The following KRT23 variants were observed in gnomAD, a reference collection of about 807,000 sequenced individuals.
The protein encoded by KRT23 is keratin 23, also known as keratin, type I cytoskeletal 23.
KRT23 carries 38 observed loss-of-function variants against 47.6 expected under a neutral mutation model. The observed-to-expected ratio is 0.80, with a 90% CI of 0.62 to 1.05. KRT23 has a LOEUF of 1.05. Among genes scored for constraint, KRT23 ranks in the 50% least tolerant of loss-of-function variants. The pLI is 0.00. For missense variants in KRT23, 503 were observed against 529.5 expected, an observed-to-expected ratio of 0.95 and a Z score of 0.49; for synonymous variants, 191 against 199.0, an observed-to-expected ratio of 0.96 and a Z score of 0.34.
At chr17:40,930,676 A>C (rs1026193185) in intron 3 of KRT23, among the ~76,000 whole-genome samples, 3 of 152,000 alleles carry the variant, frequency 2.0e-5, no homozygotes, top group African/African-American at 7.3e-5. Flanking sequence ...AGGCAGGAGA[A>C]TCGCTTGAAC....
chr17:40,925,007 T>C (rs201758142), intron 7 of KRT23, among the ~76,000 whole-genome samples: 3 of 134,390 alleles, frequency 2.2e-5, no homozygotes, highest in Non-Finnish European at 4.8e-5. Flanking sequence ...TTTTTTTTTT[T>C]TCTCTTTTGC....
Position 40,931,373 on chromosome 17 carries a change from T to C in KRT23, c.479A>G (p.Lys160Arg). 6.2e-7 allele frequency: 1 copy of C among 1,606,634 alleles called. No homozygotes were observed. The highest frequency in any genetic ancestry group is 2.2e-5 in the East Asian group (1 of 44,822). The change falls in exon 3 of 9, where the codon AAG (lysine) becomes AGG (arginine). Residue 160 changes from lysine (K) to arginine (R), a missense_variant and splice_region_variant. Physicochemically the swap from Lys to Arg is conservative, Grantham distance 26. Coordinates refer to ENST00000209718, the MANE Select transcript of KRT23 (RefSeq NM_015515.5). ...ARMAVDDFNLKYENEHSFKKD... is the reference protein window; with the variant it reads ...ARMAVDDFNLRYENEHSFKKD... ...ACAACCCTGTGAAGAAGGAACTTAC[T>C]TGAGGTTGAAGTCATCCACTGCCAT...
chr17:40,923,126 C>T (rs773283554), intron 8 of KRT23, 43 bp from the exon 9 acceptor site: 1 of 1,421,856 alleles, frequency 7.0e-7, no homozygotes, highest in African/African-American at 1.4e-5. Context: ...ATGCTTCTTC[C>T]ACCATCTGAA....
In KRT23 at chr17:40,928,462, G is replaced by A; in HGVS notation, c.782C>T (p.Thr261Ile). 6.2e-7 allele frequency: 1 copy of A among 1,614,080 alleles called. No individual in the cohort carries two copies. Among genetic ancestry groups the A allele is most frequent in the South Asian group, 1.1e-5 (1 of 91,076 alleles). Residue 261 changes from threonine (T) to isoleucine (I), a missense_variant, in exon 5 of 9, where the codon ACT becomes ATT. Thr to Ile is a moderately conservative substitution (Grantham distance 89, BLOSUM62 -1). Transcript: ENST00000209718. ...IIKKKHRDLD[T>I]WYKEQSAAMS... Reference sequence around the variant, plus strand: ...TTCTTTTACCTGTTCTTTATACCAAGTGTCCAAGTCTCGATGCTTCTTCTT... The same window carrying A: ...TTCTTTTACCTGTTCTTTATACCAAATGTCCAAGTCTCGATGCTTCTTCTT...
rs1909037612 is a variant in KRT23, at chr17:40,923,229, G to A, written c.1175-146C>T. On this transcript the variant is annotated intron_variant, in intron 8 of 8. Transcript: ENST00000209718. ...AGCAATGAGGTGGGCTCTGCTGCTG[G>A]GAAAAGGGATTTCCCAAAGGAGGGA... The A allele has an allele frequency of 6.5e-6, 4 of 611,576 alleles. No homozygotes were observed. In the South Asian group the frequency reaches 8.2e-5, roughly 13 times the overall value. The allele number at this position is 611,576 out of a possible 1,614,324, so 37.9% of individuals were successfully genotyped here.
intron 2 of KRT23, 60 bp downstream of exon 2, chr17:40,936,148 C>T (rs1278553044): frequency 1.3e-6 from 2 of 1,592,012 alleles, no homozygotes; most frequent in African/African-American, 2.7e-5. Flanking sequence ...CATTTTTCCT[C>T]CCGAGGGTCC....
At chr17:40,931,820 A>C (rs768067552) in intron 2 of KRT23, among the ~76,000 whole-genome samples, 2 of 152,160 alleles carry the variant, frequency 1.3e-5, no homozygotes, top group Non-Finnish European at 2.9e-5. Context: ...ATGTCATAGC[A>C]TTTTGCTTAA....
intron 6 of KRT23, among the ~76,000 whole-genome samples, chr17:40,927,544 T>C (rs1255103322): frequency 6.6e-6 from 1 of 152,184 alleles, no homozygotes; most frequent in Admixed American, 6.5e-5. Flanking sequence ...TTGGCAATTA[T>C]ATGGATGAAT....
chr17:40,929,905 T>C, intron 4 of KRT23, 35 bp downstream of exon 4: 1 of 1,602,496 alleles, frequency 6.2e-7, no homozygotes, highest in Middle Eastern at 1.9e-4. Context: ...GGCTAAGAGC[T>C]GTGCTTATTA....
intron 6 of KRT23, among the ~76,000 whole-genome samples, chr17:40,927,847 A>G (rs1048359741): frequency 6.6e-6 from 1 of 152,156 alleles, no homozygotes; most frequent in African/African-American, 2.4e-5. Context: ...GATAGAAATT[A>G]TGGGGGTCTA....
At chr17:40,925,679 T>G (rs1909186661) in intron 6 of KRT23, 105 bp from the exon 7 acceptor site, 1 of 828,746 alleles carries the variant, frequency 1.2e-6, no homozygotes, top group African/African-American at 1.7e-5. Context: ...GCTAGGTGTC[T>G]TGGTAGCTGC....
chr17:40,928,570 A>ACTTGG lies in KRT23; in HGVS notation c.673_674insCCAAG (p.Val225AlafsTer5). On this transcript the variant is annotated frameshift_variant, in exon 5 of 9. Coordinates refer to ENST00000209718, the MANE Select transcript of KRT23 (RefSeq NM_015515.5). LOFTEE classifies it high-confidence loss of function. The stretch of plus-strand genomic sequence containing the variant: ...GGGACCTGTATCCACCTTCACATTG[A>ACTTGG]CATTGAAGTCACTTGGCACATGATG... 1 of 1,613,822 alleles carries ACTTGG rather than the reference A, an allele frequency of 6.2e-7. No individual in the cohort carries two copies. The highest frequency in any genetic ancestry group is 8.5e-7 in the Non-Finnish European group (1 of 1,179,946).
Position 40,922,882 on chromosome 17 carries a change from G to A in KRT23, c.*107C>T, listed in dbSNP as rs1210914764. 9.3e-6 allele frequency: 7 copies of A among 755,060 alleles called. No homozygotes were observed. In the African/African-American group the frequency reaches 1.1e-4, roughly 11 times the overall value. 46.8% of individuals were successfully genotyped at this position (755,060 alleles called of 1,614,324 possible). On this transcript the variant is annotated 3_prime_UTR_variant, in exon 9 of 9. Transcript: ENST00000209718. ...AGAAAAAAAAAATAAAAGTTTCTGA[G>A]TCTGATAATTCCAAGGGTATCTTTT... is the stretch of plus-strand genomic sequence containing the variant.
chr17:40,928,416 C>T (rs537310996), intron 5 of KRT23, 30 bp downstream of exon 5: 3 of 1,613,998 alleles, frequency 1.9e-6, no homozygotes, highest in South Asian at 2.2e-5. Context: ...GAAATGCAAC[C>T]TTTGGGAAGT....
At chr17:40,929,183 C>T (rs1909462282) in intron 4 of KRT23, among the ~76,000 whole-genome samples, 1 of 152,028 alleles carries the variant, frequency 6.6e-6, no homozygotes, top group African/African-American at 2.4e-5. Context: ...GGTGAAGTGA[C>T]AACATAGTTA....
chr17:40,929,160 G>A (rs1909460147), intron 4 of KRT23, among the ~76,000 whole-genome samples: 1 of 151,110 alleles, frequency 6.6e-6, no homozygotes, highest in Non-Finnish European at 1.5e-5. Flanking sequence ...GTCCTGTTCA[G>A]CAGATGTGGA....
At position 40,928,488 on chromosome 17, in the gene KRT23, T is replaced by C; in HGVS notation, c.756A>G (p.Ile252Met). The C allele has an allele frequency of 6.2e-7, 1 of 1,614,214 alleles. No homozygotes were observed. The highest frequency in any genetic ancestry group is 2.2e-5 in the East Asian group (1 of 44,886). ...EDMRQEYELIIKKKHRDLDTW... is the reference protein window; with the variant it reads ...EDMRQEYELIMKKKHRDLDTW... ...TGTCCAAGTCTCGATGCTTCTTCTT[T>C]ATTATAAGCTCATATTCTTGTCTCA... The change falls in exon 5 of 9, where the codon ATA becomes ATG. Residue 252 changes from isoleucine to methionine, a missense_variant. Coordinates refer to ENST00000209718, the MANE Select transcript of KRT23 (RefSeq NM_015515.5).
rs766281307 is a variant in KRT23, at chr17:40,934,939, T to A, written c.396+1269A>T. On this transcript the variant is annotated intron_variant, in intron 2 of 8. Coordinates refer to ENST00000209718, the MANE Select transcript of KRT23 (RefSeq NM_015515.5). ...CTCTCTTTCCTCCCTTTCTTTTTTT[T>A]AAATCTCTTCCGCGAGCTCATAAAT... is the stretch of plus-strand genomic sequence containing the variant. Among the ~76,000 whole-genome samples the A allele has an allele frequency of 8.1e-4, 124 of 152,224 alleles. 1 individual carries two copies. Among genetic ancestry groups the A allele is most frequent in the Non-Finnish European group, 1.4e-3 (92 of 68,036 alleles).
At chr17:40,929,858 T>G in intron 4 of KRT23, 82 bp downstream of exon 4, 1 of 1,271,758 alleles carries the variant, frequency 7.9e-7, no homozygotes, top group Non-Finnish European at 1.1e-6. Flanking sequence ...CAGGTGGTGG[T>G]TTCTTCTGTA....
Sources: gnomAD v4.1 joint callset for allele counts (sites outside exome capture counted in the v4.1 genomes callset) on GRCh38, gnomAD v4.1.1 for gene constraint, MANE v1.5 for transcripts, NCBI Gene and HGNC (gene_info 2026-07-23, HGNC 2026-07-21) for gene names.